Variants in TENM4 observed in about 807,000 individuals in gnomAD.
TENM4 encodes teneurin-4.
In TENM4, 82 loss-of-function variants were observed where a neutral mutation model predicts 243.3. The observed-to-expected ratio is 0.34, with a 90% CI of 0.28 to 0.40. The LOEUF (loss-of-function observed/expected upper bound fraction) is 0.40, where lower values mean the gene tolerates loss of function less well. Ranked by LOEUF, TENM4 falls within the 10% of genes least tolerant of loss-of-function variation. The pLI is 1.00. For synonymous variants in TENM4, 1,412 were observed against 1,456.3 expected (o/e 0.97, Z 0.69); for missense variants, 3,138 against 3,673.3 (o/e 0.85, Z 3.77).
At chr11:78,883,496 C>G (rs966703542) in intron 9 of TENM4, among the ~76,000 whole-genome samples, 3 of 152,166 alleles carry the variant, frequency 2.0e-5, no homozygotes, top group Non-Finnish European at 4.4e-5. Flanking sequence ...GCAGGGCAGA[C>G]CTGGACCTGA....
In TENM4 at chr11:78,892,398, C is replaced by T. The variant is rs551129374; in HGVS notation, c.750-1062G>A. ...TGCAGAAAGCCAACTTTGGACCCAG[C>T]CCTGCCAAGGACCTTCTTTCTGACT... On this transcript the variant is annotated intron_variant, in intron 7 of 33. Transcript: ENST00000278550. 2.6e-5 allele frequency among the ~76,000 whole-genome samples: 4 copies of T among 152,332 alleles called. No individual in the cohort carries two copies. In the East Asian group the frequency reaches 5.8e-4, roughly 22 times the overall value.
intron 1 of TENM4, among the ~76,000 whole-genome samples, chr11:79,339,058 G>A (rs965078330): frequency 1.1e-4 from 16 of 152,146 alleles, no homozygotes; most frequent in African/African-American, 3.9e-4. Context: ...CACAAAGCTG[G>A]GGCTCTGAGT....
intron 3 of TENM4, among the ~76,000 whole-genome samples, chr11:79,214,868 G>T (rs976161992): frequency 6.6e-6 from 1 of 152,246 alleles, no homozygotes; most frequent in East Asian, 1.9e-4. Flanking sequence ...TAAGTCACTA[G>T]GTAGAGCAAA....
chr11:79,031,567 G>A (rs1439122010), intron 6 of TENM4, among the ~76,000 whole-genome samples: 1 of 152,158 alleles, frequency 6.6e-6, no homozygotes, highest in South Asian at 2.1e-4. Context: ...ACCGATCCAG[G>A]CATGCAACAG....
rs756450557 is a variant in TENM4, at chr11:79,395,595, C to T, written c.-321+44914G>A. Reference sequence around the variant, plus strand: ...CCAAGTTCCAAAAGGCCACAGGCATCGGATTACTCAGCCCAGGGGCTTTCT... The same window carrying T: ...CCAAGTTCCAAAAGGCCACAGGCATTGGATTACTCAGCCCAGGGGCTTTCT... On this transcript the variant is annotated intron_variant, in intron 1 of 33. Transcript: ENST00000278550. Among the ~76,000 whole-genome samples, 231 of 152,188 alleles carry T rather than the reference C, an allele frequency of 1.5e-3. 2 individuals are homozygous for T. The highest frequency in any genetic ancestry group is 3.2e-4 in the Non-Finnish European group (22 of 68,044).
chr11:79,374,553 T>TATATAG (rs1590920350), intron 1 of TENM4, among the ~76,000 whole-genome samples: 1 of 103,792 alleles, frequency 9.6e-6, no homozygotes, highest in East Asian at 2.2e-4. Flanking sequence ...TCTATATATC[T>TATATAG]ATATAGATAT....
Position 78,701,807 on chromosome 11 carries a change from G to A in TENM4, c.4806C>T (p.Pro1602=), listed in dbSNP as rs763667125. The change falls in exon 28 of 34, where the codon CCC becomes CCT. Residue 1602 remains proline (P), a synonymous_variant. Transcript: ENST00000278550. ...TGKHLYTQSL[P]TGDYLYNFTY... is the part of the protein sequence containing the mutation. The stretch of plus-strand genomic sequence containing the variant: ...TGAAGTTGTACAGGTAGTCTCCTGT[G>A]GGCAGGCTTTGGGTGTACAGGTGCT... 6.2e-7 allele frequency: 1 copy of A among 1,614,024 alleles called. No homozygotes were observed. Among genetic ancestry groups the A allele is most frequent in the South Asian group, 1.1e-5 (1 of 91,082 alleles).
At chr11:79,080,937 A>G (rs1347297682) in intron 4 of TENM4, among the ~76,000 whole-genome samples, 1 of 152,128 alleles carries the variant, frequency 6.6e-6, no homozygotes, top group African/African-American at 2.4e-5. Context: ...AGAGGGAGAG[A>G]GGCTGATTAA....
chr11:78,905,819 G>A (rs961889290), intron 6 of TENM4, among the ~76,000 whole-genome samples: 1 of 152,254 alleles, frequency 6.6e-6, no homozygotes, highest in South Asian at 2.1e-4. Context: ...GTCCCACTCA[G>A]AGAACAGGGA....
chr11:79,321,660 A>AAAAAG (rs1565298528), intron 1 of TENM4, among the ~76,000 whole-genome samples: 2 of 151,214 alleles, frequency 1.3e-5, no homozygotes, highest in African/African-American at 4.9e-5. Flanking sequence ...AAAAAAAAAA[A>AAAAAG]AAAAGGGAGA....
intron 1 of TENM4, among the ~76,000 whole-genome samples, chr11:79,333,724 T>C (rs512398): frequency 0.42 from 64,523 of 152,114 alleles, 13,967 homozygotes; most frequent in South Asian, 0.61. Flanking sequence ...CTAATATCTA[T>C]GAAGCCAATT....
chr11:78,949,367 A>G (rs1857069075), intron 6 of TENM4, among the ~76,000 whole-genome samples: 1 of 152,200 alleles, frequency 6.6e-6, no homozygotes, highest in African/African-American at 2.4e-5. Context: ...TGTGCTAGAA[A>G]TCTTTGTGTA....
chr11:79,432,748 G>A (rs1355540475), intron 1 of TENM4, among the ~76,000 whole-genome samples: 1 of 152,110 alleles, frequency 6.6e-6, no homozygotes, highest in Non-Finnish European at 1.5e-5. Context: ...CCCAGAAAAA[G>A]GACCTCTAAA....
At position 78,701,991 on chromosome 11, in the gene TENM4, G is replaced by A; in HGVS notation, c.4622C>T (p.Ser1541Phe). The A allele has an allele frequency of 6.2e-7, 1 of 1,614,038 alleles. No homozygotes were observed. The highest frequency in any genetic ancestry group is 8.5e-7 in the Non-Finnish European group (1 of 1,179,898). ...CTCCCCATCAGCACACACAGCCAAG[G>A]AAGATGGGGTATTTAACTTTGCATC... Reference protein sequence around the residue: ...AKDAKLNTPSSLAVCADGELY... With the variant: ...AKDAKLNTPSFLAVCADGELY... Residue 1541 changes from serine to phenylalanine, a missense_variant, in exon 28 of 34, where the codon TCC becomes TTC. By Grantham distance (155) the Ser-to-Phe change is radical (BLOSUM62 -2). Coordinates refer to ENST00000278550, the MANE Select transcript of TENM4 (RefSeq NM_001098816.3).
Position 78,701,552 on chromosome 11 carries a change from A to G in TENM4, c.5061T>C (p.Asn1687=), listed in dbSNP as rs764635337. Residue 1687 remains asparagine (N), a synonymous_variant, in exon 28 of 34, where the codon AAT becomes AAC. Coordinates refer to ENST00000278550, the MANE Select transcript of TENM4 (RefSeq NM_001098816.3). The stretch of plus-strand genomic sequence containing the variant: ...CATAAAATGTTGTCCATCCGTTTTC[A>G]TTGCTTTTGGTTGCCAGAAGGCCGG... The part of the protein sequence containing the change: ...GNSGLLATKS[N]ENGWTTFYEY... The G allele has an allele frequency of 1.9e-6, 3 of 1,594,758 alleles. No individual in the cohort carries two copies. The highest frequency in any genetic ancestry group is 2.3e-5 in the East Asian group (1 of 44,372).
intron 2 of TENM4, among the ~76,000 whole-genome samples, chr11:79,267,405 C>T (rs1855900515): frequency 6.6e-6 from 1 of 152,126 alleles, no homozygotes; most frequent in African/African-American, 2.4e-5. Flanking sequence ...CCAGAAATGC[C>T]TCACTGTTCA....
intron 17 of TENM4, among the ~76,000 whole-genome samples, chr11:78,773,709 C>T (rs769915212): frequency 1.4e-4 from 21 of 152,158 alleles, no homozygotes; most frequent in Non-Finnish European, 1.9e-4. Context: ...GGCTGTGCTC[C>T]AACTAACTTG....
chr11:79,027,587 G>T (rs1859113492), intron 6 of TENM4, among the ~76,000 whole-genome samples: 1 of 152,238 alleles, frequency 6.6e-6, no homozygotes, highest in South Asian at 2.1e-4. Context: ...GAGCAGCTGA[G>T]ATTTGTGCAT....
intron 1 of TENM4, among the ~76,000 whole-genome samples, chr11:79,388,986 G>A (rs1163232271): frequency 6.6e-6 from 1 of 152,180 alleles, no homozygotes; most frequent in Admixed American, 6.5e-5. Flanking sequence ...CACAAGAAGA[G>A]CCAGGAAAAG....
Sources: gnomAD v4.1 joint callset for allele counts (sites outside exome capture counted in the v4.1 genomes callset) on GRCh38, gnomAD v4.1.1 for gene constraint, MANE v1.5 for transcripts, NCBI Gene and HGNC (gene_info 2026-07-23, HGNC 2026-07-21) for gene names.